RBFOX1: variants seen among roughly 807,000 people sequenced by gnomAD.
RBFOX1 encodes the protein RNA binding fox-1 homolog 1, also known as RNA binding protein fox-1 homolog 1.
In RBFOX1, 8 loss-of-function variants were observed where a neutral mutation model predicts 57.7. That is an observed-to-expected ratio of 0.14 (90% CI 0.08 to 0.25). The LOEUF (loss-of-function observed/expected upper bound fraction) is 0.25. RBFOX1 is among the 10% of genes least tolerant of loss of function. The probability of loss-of-function intolerance (pLI) is 1.00; values close to 1 mark genes in which losing one functional copy is unlikely to be tolerated. For missense variants in RBFOX1, 611 were observed against 548.5 expected (o/e 1.11, Z -1.14); for synonymous variants, 326 against 222.4 (o/e 1.47, Z -4.15).
intron 3 of RBFOX1, among the ~76,000 whole-genome samples, chr16:6,913,360 G>T (rs2072212905): frequency 6.6e-6 from 1 of 152,054 alleles, no homozygotes; most frequent in Non-Finnish European, 1.5e-5. Flanking sequence ...CCCCTTATGA[G>T]CGTGTTAGCT....
intron 1 of RBFOX1, among the ~76,000 whole-genome samples, chr16:6,215,617 C>G (rs2097331063): frequency 6.6e-6 from 1 of 152,116 alleles, no homozygotes; most frequent in African/African-American, 2.4e-5. Flanking sequence ...CTTCTAGATA[C>G]TTTTCCTCCA....
At chr16:7,377,014 A>G (rs1302007710) in intron 4 of RBFOX1, among the ~76,000 whole-genome samples, 2 of 152,346 alleles carry the variant, frequency 1.3e-5, no homozygotes, top group East Asian at 3.9e-4. Flanking sequence ...AGTGATTTCC[A>G]TAGGTCCCTG....
At chr16:5,732,571 A>T (rs150086503) in intron 3 of RBFOX1, among the ~76,000 whole-genome samples, 2 of 152,214 alleles carry the variant, frequency 1.3e-5, no homozygotes, top group Admixed American at 6.5e-5. Context: ...TTAGAATTCT[A>T]GCTGTCTATG....
intron 1 of RBFOX1, among the ~76,000 whole-genome samples, chr16:6,201,373 C>T (rs988610514): frequency 2.0e-5 from 3 of 152,110 alleles, no homozygotes; most frequent in African/African-American, 4.8e-5. Context: ...TTCCGAGGAA[C>T]CTCCATACTG....
intron 3 of RBFOX1, among the ~76,000 whole-genome samples, chr16:7,008,312 C>G (rs920300189): frequency 6.6e-6 from 1 of 152,058 alleles, no homozygotes; most frequent in Non-Finnish European, 1.5e-5. Context: ...GAGACTGAGG[C>G]AGGTGGATCA....
intron 3 of RBFOX1, among the ~76,000 whole-genome samples, chr16:6,884,960 C>G (rs535370961): frequency 1.3e-5 from 2 of 152,070 alleles, no homozygotes; most frequent in African/African-American, 4.8e-5. Flanking sequence ...AAACTGAGAC[C>G]GCAACCCAGA....
intron 1 of RBFOX1, among the ~76,000 whole-genome samples, chr16:6,211,419 A>G (rs529933801): frequency 1.3e-5 from 2 of 151,874 alleles, no homozygotes; most frequent in South Asian, 4.2e-4. Flanking sequence ...TAGTAGAGAC[A>G]GGGTTTCTTC....
intron 3 of RBFOX1, among the ~76,000 whole-genome samples, chr16:6,665,917 G>A (rs1242647988): frequency 6.6e-6 from 1 of 152,124 alleles, no homozygotes; most frequent in African/African-American, 2.4e-5. Flanking sequence ...TTGAATTGGA[G>A]CTCCCATAAT....
chr16:6,979,990 C>A (rs189329848), intron 3 of RBFOX1, among the ~76,000 whole-genome samples: 65 of 152,200 alleles, frequency 4.3e-4, no homozygotes, highest in African/African-American at 1.5e-3. Context: ...CCTTCTAACA[C>A]CGTTTCTCCT....
chr16:7,442,088 A>G (rs576690768), intron 4 of RBFOX1, among the ~76,000 whole-genome samples: 1 of 152,276 alleles, frequency 6.6e-6, no homozygotes, highest in East Asian at 1.9e-4. Flanking sequence ...TCCATTAGGC[A>G]GGCTGTTGCT....
At chr16:6,727,601 C>T (rs895094062) in intron 3 of RBFOX1, among the ~76,000 whole-genome samples, 3 of 151,950 alleles carry the variant, frequency 2.0e-5, no homozygotes, top group Admixed American at 1.3e-4. Context: ...AGTTGTGCCG[C>T]CATACTAGGT....
chr16:7,156,824 T>C (rs560956203), intron 4 of RBFOX1, among the ~76,000 whole-genome samples: 4 of 152,214 alleles, frequency 2.6e-5, no homozygotes, highest in Admixed American at 6.5e-5. Context: ...TGCACAATTA[T>C]AGGATAATTT....
At chr16:7,006,164 T>G (rs11646359) in intron 3 of RBFOX1, among the ~76,000 whole-genome samples, 3 of 151,906 alleles carry the variant, frequency 2.0e-5, no homozygotes, top group African/African-American at 7.3e-5. Context: ...TTATTTATTT[T>G]TTTTTGAGAT....
intron 3 of RBFOX1, among the ~76,000 whole-genome samples, chr16:6,932,541 A>C (rs1388745452): frequency 6.6e-6 from 1 of 152,026 alleles, no homozygotes; most frequent in Non-Finnish European, 1.5e-5. Context: ...CAAGTGTCTC[A>C]CCTATATGGT....
At chr16:6,788,301 A>G (rs924427732) in intron 3 of RBFOX1, among the ~76,000 whole-genome samples, 57 of 152,072 alleles carry the variant, frequency 3.7e-4, no homozygotes, top group African/African-American at 1.3e-3. Flanking sequence ...TCCCTTTTCC[A>G]AAATTCCCCA....
At chr16:5,781,360 C>A (rs1056912680) in intron 3 of RBFOX1, among the ~76,000 whole-genome samples, 27 of 152,170 alleles carry the variant, frequency 1.8e-4, no homozygotes, top group African/African-American at 6.0e-4. Context: ...GAGTGAGCTT[C>A]TCAATGGATT....
intron 3 of RBFOX1, among the ~76,000 whole-genome samples, chr16:6,655,676 C>T (rs2098645524): frequency 6.6e-6 from 1 of 152,124 alleles, no homozygotes; most frequent in Admixed American, 6.5e-5. Flanking sequence ...AGATTTTACC[C>T]TGTGTATGCC....
chr16:5,595,864 T>C (rs926402681), intron 2 of RBFOX1, among the ~76,000 whole-genome samples: 2 of 152,148 alleles, frequency 1.3e-5, no homozygotes, highest in Non-Finnish European at 2.9e-5. Flanking sequence ...AGGAGGGTGC[T>C]AATCTAGGGT....
intron 2 of RBFOX1, among the ~76,000 whole-genome samples, chr16:6,362,101 C>T (rs1273029364): frequency 6.6e-6 from 1 of 152,068 alleles, no homozygotes; most frequent in East Asian, 1.9e-4. Context: ...AACACATGAC[C>T]TTTCATTAAA....
Sources: allele counts gnomAD v4.1 joint callset (sites outside exome capture counted in the v4.1 genomes callset), GRCh38; gene constraint gnomAD v4.1.1; transcripts MANE v1.5; gene names NCBI Gene and HGNC (gene_info 2026-07-23, HGNC 2026-07-21).